The following UBL3 variants were observed in gnomAD, a reference collection of about 807,000 sequenced individuals.
UBL3 encodes the protein ubiquitin like 3, also known as ubiquitin-like protein 3.
Under a neutral mutation model 18.4 loss-of-function variants are expected in UBL3, and 6 were observed. The observed-to-expected ratio is 0.33, with a 90% CI of 0.18 to 0.64. UBL3 has a LOEUF of 0.64. Ranked by LOEUF, UBL3 falls within the 30% of genes least tolerant of loss-of-function variation. The pLI is 0.76. For missense variants in UBL3, 109 were observed against 142.9 expected, an observed-to-expected ratio of 0.76 and a Z score of 1.21; for synonymous variants, 49 against 46.6, an observed-to-expected ratio of 1.05 and a Z score of -0.21.
At chr13:29,821,643 T>C (rs531111554) in intron 1 of UBL3, among the ~76,000 whole-genome samples, 5 of 152,360 alleles carry the variant, frequency 3.3e-5, no homozygotes, top group African/African-American at 1.2e-4. Flanking sequence ...GTATCATTTA[T>C]TCATTACATA....
intron 1 of UBL3, among the ~76,000 whole-genome samples, chr13:29,819,625 G>A (rs1878373230): frequency 6.6e-6 from 1 of 152,140 alleles, no homozygotes; most frequent in Non-Finnish European, 1.5e-5. Flanking sequence ...CTAGGATACT[G>A]CAAAGTATGT....
At chr13:29,776,215 G>A (rs1876984054) in intron 2 of UBL3, among the ~76,000 whole-genome samples, 2 of 144,414 alleles carry the variant, frequency 1.4e-5, no homozygotes, top group Non-Finnish European at 3.1e-5. Flanking sequence ...GAAGGTGTGT[G>A]TATATTCACT....
chr13:29,776,533 G>T (rs1876996548), intron 2 of UBL3, among the ~76,000 whole-genome samples: 1 of 151,794 alleles, frequency 6.6e-6, no homozygotes, highest in Non-Finnish European at 1.5e-5. Context: ...AAAGTGCTGG[G>T]ATTACAGGTA....
At chr13:29,783,642 T>C (rs1373280861) in intron 1 of UBL3, among the ~76,000 whole-genome samples, 1 of 152,244 alleles carries the variant, frequency 6.6e-6, no homozygotes, top group Non-Finnish European at 1.5e-5. Context: ...TCAGTAAATG[T>C]ATGACAATTT....
In UBL3 at chr13:29,772,073, G is replaced by A. The variant is rs185900438; in HGVS notation, c.223+39C>T. ...TAAAACAAGCGAATCATGCTACCAT[G>A]AGACAGACATTAAATCCCATTACAA... On this transcript the variant is annotated intron_variant, in intron 3 of 4. Coordinates refer to ENST00000380680, the MANE Select transcript of UBL3 (RefSeq NM_007106.4). 18 of 1,519,522 alleles carry A rather than the reference G, an allele frequency of 1.2e-5. No individual in the cohort carries two copies. The African/African-American group carries it at 1.8e-4, about 15-fold the overall frequency. The allele number at this position is 1,519,522 out of a possible 1,614,324, so 94.1% of individuals were successfully genotyped here.
intron 1 of UBL3, among the ~76,000 whole-genome samples, chr13:29,839,470 AATTCCAAAAAT>A (rs1879039084): frequency 6.6e-6 from 1 of 152,172 alleles, no homozygotes; most frequent in Non-Finnish European, 1.5e-5. Context: ...ACATTTTTTA[AATTCCAAAAAT>A]ATTCCAAAAA....
intron 1 of UBL3, among the ~76,000 whole-genome samples, chr13:29,779,424 A>G (rs1198366075): frequency 5.9e-5 from 9 of 152,222 alleles, no homozygotes; most frequent in Non-Finnish European, 1.3e-4. Flanking sequence ...TTTCTAATTA[A>G]GAGTTATGCA....
At chr13:29,833,118 T>C (rs1878824168) in intron 1 of UBL3, among the ~76,000 whole-genome samples, 1 of 152,230 alleles carries the variant, frequency 6.6e-6, no homozygotes, top group Non-Finnish European at 1.5e-5. Context: ...GCATTAATGC[T>C]GTCATGGTAA....
chr13:29,820,169 C>CT (rs36050662), intron 1 of UBL3, among the ~76,000 whole-genome samples: 1,133 of 104,832 alleles, frequency 0.011, 13 homozygotes, highest in East Asian at 0.02. Context: ...CTCAGAGTTC[C>CT]TTTTTTTTTT....
At chr13:29,842,060 C>T (rs278035) in intron 1 of UBL3, among the ~76,000 whole-genome samples, 136,267 of 151,630 alleles carry the variant, frequency 0.9, 61,403 homozygotes, top group East Asian at 0.98. Context: ...AGTTGATGTA[C>T]GATAGCATTC....
chr13:29,842,743 A>T (rs1409037059), intron 1 of UBL3, among the ~76,000 whole-genome samples: 1 of 152,098 alleles, frequency 6.6e-6, no homozygotes, highest in Non-Finnish European at 1.5e-5. Context: ...GTTATGTGTA[A>T]TTTTTTTATC....
intron 1 of UBL3, among the ~76,000 whole-genome samples, chr13:29,835,120 A>C (rs1878904258): frequency 3.8e-5 from 1 of 26,148 alleles, no homozygotes; most frequent in Non-Finnish European, 5.6e-5. Flanking sequence ...ATATATATAT[A>C]TATAAATATA....
intron 1 of UBL3, 58 bp downstream of exon 1, chr13:29,849,454 G>A (rs1436123807): frequency 1.9e-6 from 3 of 1,611,856 alleles, no homozygotes; most frequent in African/African-American, 2.7e-5. Flanking sequence ...CCGTCTTTCC[G>A]ATTAAATAAG....
chr13:29,837,593 G>C (rs1422596923), intron 1 of UBL3, among the ~76,000 whole-genome samples: 1 of 152,050 alleles, frequency 6.6e-6, no homozygotes, highest in African/African-American at 2.4e-5. Context: ...TAATTCCCGG[G>C]CCAGGTGCCT....
In UBL3 at chr13:29,849,750, C is replaced by T; in HGVS notation, c.-212G>A. 1 of 632,274 alleles carries T rather than the reference C, an allele frequency of 1.6e-6. No homozygotes were observed. Among genetic ancestry groups the T allele is most frequent in the Non-Finnish European group, 2.7e-6 (1 of 365,476 alleles). 39.2% of individuals were successfully genotyped at this position (632,274 alleles called of 1,614,324 possible). A position where few individuals can be genotyped will look rare whatever the true frequency, so the allele number is the denominator to read the frequency against. ...ATCCCCAGGAGCTGTGTGGCCGGAG[C>T]AGGAGGAAACTCCCGGGACAGCAGA... On this transcript the variant is annotated 5_prime_UTR_variant, in exon 1 of 5. Coordinates refer to ENST00000380680, the MANE Select transcript of UBL3 (RefSeq NM_007106.4).
At chr13:29,832,680 C>A (rs1374771304) in intron 1 of UBL3, among the ~76,000 whole-genome samples, 1 of 152,162 alleles carries the variant, frequency 6.6e-6, no homozygotes, top group Admixed American at 6.5e-5. Flanking sequence ...TTTAAGTTAG[C>A]ACTGTTCCTC....
Position 29,819,313 on chromosome 13 carries a change from G to A in UBL3, c.27+30199C>T, listed in dbSNP as rs2794298. ...AAAGGAGAACTATGAAGCGTAAAAC[G>A]AAAGGCAAAGGCCAAGTAAGGTGAT... is the stretch of plus-strand genomic sequence containing the variant. On this transcript the variant is annotated intron_variant, in intron 1 of 4. Coordinates refer to ENST00000380680, the MANE Select transcript of UBL3 (RefSeq NM_007106.4). 5.0e-3 allele frequency among the ~76,000 whole-genome samples: 755 copies of A among 152,290 alleles called. 5 individuals are homozygous for A. Among genetic ancestry groups the A allele is most frequent in the African/African-American group, 0.018 (731 of 41,560 alleles).
intron 1 of UBL3, among the ~76,000 whole-genome samples, chr13:29,821,783 T>C (rs552904475): frequency 2.0e-5 from 3 of 152,346 alleles, no homozygotes; most frequent in Admixed American, 1.3e-4. Context: ...TCTTGTTCCA[T>C]TGATTTCGTA....
At chr13:29,839,110 T>A (rs1879029487) in intron 1 of UBL3, among the ~76,000 whole-genome samples, 1 of 152,208 alleles carries the variant, frequency 6.6e-6, no homozygotes, top group Non-Finnish European at 1.5e-5. Flanking sequence ...TTGGCAATGT[T>A]AACACAAGTT....
Sources: gnomAD v4.1 joint callset for allele counts (sites outside exome capture counted in the v4.1 genomes callset) on GRCh38, gnomAD v4.1.1 for gene constraint, MANE v1.5 for transcripts, NCBI Gene and HGNC (gene_info 2026-07-23, HGNC 2026-07-21) for gene names.